Variants in UBE2W observed in about 807,000 individuals in gnomAD.
UBE2W encodes ubiquitin conjugating enzyme E2 W.
UBE2W carries 18 observed loss-of-function variants against 27.2 expected under a neutral mutation model. That is an observed-to-expected ratio of 0.66 (90% CI 0.46 to 0.98). The LOEUF is 0.98. UBE2W is among the 50% of genes least tolerant of loss of function. UBE2W has a pLI of 0.00. For synonymous variants in UBE2W, 53 were observed against 57.2 expected, an observed-to-expected ratio of 0.93 and a Z score of 0.33; for missense variants, 90 against 180.2, an observed-to-expected ratio of 0.50 and a Z score of 2.87.
At chr8:73,794,166 A>G in intron 5 of UBE2W, 51 bp from the exon 6 acceptor site, 2 of 1,591,456 alleles carry the variant, frequency 1.3e-6, no homozygotes, top group Non-Finnish European at 1.7e-6. Context: ...ATGTATAAGT[A>G]AATTCTACAA....
In UBE2W at chr8:73,808,251, T is replaced by G. The variant is rs182906499; in HGVS notation, c.366+2223A>C. 4.0e-3 allele frequency among the ~76,000 whole-genome samples: 609 copies of G among 152,350 alleles called. 7 individuals are homozygous for G. The highest frequency in any genetic ancestry group is 0.014 in the African/African-American group (583 of 41,584). ...TTTAAAATACTTTTCTTTTTTCTTT[T>G]TTGAGACAGAGTCTTGCTCTATTAC... On this transcript the variant is annotated intron_variant, in intron 4 of 5. Transcript: ENST00000602593.
At chr8:73,871,380 A>G (rs571152348) in intron 1 of UBE2W, among the ~76,000 whole-genome samples, 44 of 152,320 alleles carry the variant, frequency 2.9e-4, no homozygotes, top group East Asian at 3.9e-4. Flanking sequence ...GCAGTTTTAT[A>G]TGTTTATCTA....
intron 1 of UBE2W, 41 bp from the exon 2 acceptor site, chr8:73,830,513 T>G: frequency 6.5e-7 from 1 of 1,531,700 alleles, no homozygotes; most frequent in Non-Finnish European, 9.0e-7. Flanking sequence ...TTTTTGAGAC[T>G]AGGTCTGGGT....
Position 73,865,180 on chromosome 8 carries a change from C to CAAAAAAAAAAAAA in UBE2W, c.15+13615_15+13627dup, listed in dbSNP as rs11354153. 2.4e-3 allele frequency among the ~76,000 whole-genome samples: 80 copies of CAAAAAAAAAAAAA among 32,852 alleles called. 16 individuals carry two copies. The highest frequency in any genetic ancestry group is 6.7e-3 in the African/African-American group (80 of 11,936). The allele number at this position is 32,852 out of a possible 152,430, so 21.6% of individuals were successfully genotyped here. A position where few individuals can be genotyped will look rare whatever the true frequency, so the allele number is the denominator to read the frequency against. ...CACTGCTCTTTAAGTGTGCAAACGT[C>CAAAAAAAAAAAAA]AAAAAAAAAAAAAAAAAAAAAAAAA... On this transcript the variant is annotated intron_variant, in intron 1 of 5. Transcript: ENST00000602593.
chr8:73,813,674 A>C (rs947869514), intron 3 of UBE2W, among the ~76,000 whole-genome samples: 2 of 152,122 alleles, frequency 1.3e-5, no homozygotes, highest in Admixed American at 6.5e-5. Flanking sequence ...GCCAGAGGTG[A>C]ATTTCTGAAA....
chr8:73,805,472 C>CAAAAAAAAAAAAAAAAACAAAAAAAA lies in UBE2W; in HGVS notation c.442+178_442+179insTTTTTTTTGTTTTTTTTTTTTTTTTT. On this transcript the variant is annotated intron_variant, in intron 5 of 5. Coordinates refer to ENST00000602593, the MANE Select transcript of UBE2W (RefSeq NM_018299.6). ...TCCATCTCAAAAAAAAAAAAAAAAA[C>CAAAAAAAAAAAAAAAAACAAAAAAAA]AAAAAAAACTAGGGTAATTCATCCA... Among the ~76,000 whole-genome samples the CAAAAAAAAAAAAAAAAACAAAAAAAA allele has an allele frequency of 2.0e-3, 87 of 43,682 alleles. 7 individuals are homozygous for CAAAAAAAAAAAAAAAAACAAAAAAAA. Among genetic ancestry groups the CAAAAAAAAAAAAAAAAACAAAAAAAA allele is most frequent in the Non-Finnish European group, 3.6e-3 (72 of 20,116 alleles). 28.7% of individuals were successfully genotyped at this position (43,682 alleles called of 152,430 possible). A position where few individuals can be genotyped will look rare whatever the true frequency, so the allele number is the denominator to read the frequency against.
chr8:73,838,228 C>G (rs916913729), intron 1 of UBE2W, among the ~76,000 whole-genome samples: 1 of 152,170 alleles, frequency 6.6e-6, no homozygotes, highest in African/African-American at 2.4e-5. Context: ...CCCTTTCTCT[C>G]CTTCCTCATC....
chr8:73,781,870 C>T (rs1263184774), downstream of UBE2W, among the ~76,000 whole-genome samples: 1 of 150,602 alleles, frequency 6.6e-6, no homozygotes. Context: ...CTGAATTTGT[C>T]CACTTTCTCA....
At chr8:73,807,489 T>C (rs1314842369) in intron 4 of UBE2W, among the ~76,000 whole-genome samples, 1 of 152,180 alleles carries the variant, frequency 6.6e-6, no homozygotes, top group African/African-American at 2.4e-5. Context: ...GTGTTAATAT[T>C]AGTAATTTCA....
chr8:73,868,988 T>A (rs550254941), intron 1 of UBE2W, among the ~76,000 whole-genome samples: 3 of 152,312 alleles, frequency 2.0e-5, no homozygotes, highest in East Asian at 3.9e-4. Flanking sequence ...AATTAATCCA[T>A]TGATGAATGA....
chr8:73,853,626 T>C (rs1346199009), intron 1 of UBE2W, among the ~76,000 whole-genome samples: 1 of 152,144 alleles, frequency 6.6e-6, no homozygotes, highest in Admixed American at 6.5e-5. Context: ...CATGCAACTT[T>C]GGATAAGTAA....
intron 3 of UBE2W, among the ~76,000 whole-genome samples, chr8:73,819,369 T>C (rs1457390150): frequency 1.3e-5 from 2 of 152,236 alleles, no homozygotes; most frequent in African/African-American, 4.8e-5. Context: ...CAGCACAGTG[T>C]CTGTCCCATG....
downstream of UBE2W, among the ~76,000 whole-genome samples, chr8:73,781,929 CTTTTTTTTTTTTTT>C (rs71269945): frequency 2.8e-3 from 271 of 96,006 alleles, no homozygotes; most frequent in Middle Eastern, 6.3e-3. Flanking sequence ...TAAAAGCCTC[CTTTTTTTTTTTTTT>C]TTTTTTTTTT....
chr8:73,796,711 ATAAGCAAACTT>A (rs1808436347), intron 5 of UBE2W: 1 of 950,998 alleles, frequency 1.1e-6, no homozygotes, highest in Admixed American at 6.2e-5. Flanking sequence ...TCAAGAGTTT[ATAAGCAAACTT>A]TAAGTATAGA....
intron 1 of UBE2W, among the ~76,000 whole-genome samples, chr8:73,863,127 A>G (rs1222082969): frequency 1.4e-5 from 2 of 141,702 alleles, no homozygotes; most frequent in Non-Finnish European, 3.0e-5. Flanking sequence ...ACACATGCAC[A>G]CGTATGTTTA....
At chr8:73,855,538 C>T (rs1429847552) in intron 1 of UBE2W, among the ~76,000 whole-genome samples, 1 of 151,256 alleles carries the variant, frequency 6.6e-6, no homozygotes, top group Non-Finnish European at 1.5e-5. Flanking sequence ...AGTAGCTGGG[C>T]TTACAGATGC....
At chr8:73,813,505 T>A (rs147744535) in intron 3 of UBE2W, among the ~76,000 whole-genome samples, 1 of 152,224 alleles carries the variant, frequency 6.6e-6, no homozygotes, top group African/African-American at 2.4e-5. Flanking sequence ...ACATACTGCA[T>A]GCAGGGCAAA....
intron 5 of UBE2W, among the ~76,000 whole-genome samples, chr8:73,794,910 T>A (rs1394907439): frequency 7.1e-6 from 1 of 140,284 alleles, no homozygotes; most frequent in Non-Finnish European, 1.6e-5. Flanking sequence ...CAAGTATAGA[T>A]ACATATGCAA....
chr8:73,815,959 CTA>C (rs1186812093), intron 3 of UBE2W, among the ~76,000 whole-genome samples: 2 of 152,076 alleles, frequency 1.3e-5, no homozygotes, highest in East Asian at 3.8e-4. Context: ...GTAATGGAAA[CTA>C]AATCAGATAT....
Sources: gnomAD v4.1 joint callset for allele counts (sites outside exome capture counted in the v4.1 genomes callset) on GRCh38, gnomAD v4.1.1 for gene constraint, MANE v1.5 for transcripts, NCBI Gene and HGNC (gene_info 2026-07-23, HGNC 2026-07-21) for gene names.